The following USP54 variants were observed in gnomAD, a reference collection of about 807,000 sequenced individuals.
USP54 encodes ubiquitin carboxyl-terminal hydrolase 54.
Under a neutral mutation model 170.5 loss-of-function variants are expected in USP54, and 87 were observed. The ratio of observed to expected loss-of-function variants is 0.51; its 90% CI spans 0.43 to 0.61. USP54 has a LOEUF of 0.61. USP54 is among the 20% of genes least tolerant of loss of function. USP54 has a pLI of 0.00. For synonymous variants in USP54, 655 were observed against 742.8 expected (o/e 0.88, Z 1.92); for missense variants, 1,786 against 2,047.8 (o/e 0.87, Z 2.47).
At chr10:73,581,664 T>C (rs1303489868) in intron 1 of USP54, among the ~76,000 whole-genome samples, 1 of 152,214 alleles carries the variant, frequency 6.6e-6, no homozygotes, top group Non-Finnish European at 1.5e-5. Flanking sequence ...CTTGAGAAAA[T>C]ACATAATTCA....
chr10:73,505,509 A>G, intron 20 of USP54, 83 bp from the exon 21 acceptor site: 1 of 1,060,338 alleles, frequency 9.4e-7, no homozygotes, highest in South Asian at 1.5e-5. Context: ...CAAACTCAGG[A>G]GCTGTTGTTT....
intron 1 of USP54, among the ~76,000 whole-genome samples, chr10:73,597,477 G>A (rs2078823398): frequency 2.6e-5 from 4 of 152,058 alleles, no homozygotes. Flanking sequence ...GTCTCATCTG[G>A]TCTTGTGGTC....
At chr10:73,505,236 G>A in intron 21 of USP54, 72 bp downstream of exon 21, 1 of 1,446,606 alleles carries the variant, frequency 6.9e-7, no homozygotes, top group South Asian at 1.2e-5. Context: ...CATCATCCCT[G>A]TCACATCTCT....
At position 73,520,899 on chromosome 10, in the gene USP54, G is replaced by T; in HGVS notation, c.2482+9C>A. On this transcript the variant is annotated intron_variant, in intron 18 of 23. Coordinates refer to ENST00000687698, the MANE Select transcript of USP54 (RefSeq NM_001391956.1). ...AAGTGCCACAGCCATAGCAGTTAGAGTTACTTACAGATAGCTTCATTACAG... is the reference window on the plus strand; with the variant it reads ...AAGTGCCACAGCCATAGCAGTTAGATTTACTTACAGATAGCTTCATTACAG... 1 of 1,614,102 alleles carries T rather than the reference G, an allele frequency of 6.2e-7. No homozygotes were observed. Among genetic ancestry groups the T allele is most frequent in the Non-Finnish European group, 8.5e-7 (1 of 1,180,030 alleles).
chr10:73,527,317 G>C (rs368340202), intron 15 of USP54, among the ~76,000 whole-genome samples: 4 of 152,104 alleles, frequency 2.6e-5, no homozygotes, highest in African/African-American at 7.2e-5. Flanking sequence ...GGCCAACATG[G>C]TGAAACCCCA....
intron 1 of USP54, among the ~76,000 whole-genome samples, chr10:73,590,027 T>C (rs2078051320): frequency 1.3e-5 from 2 of 152,200 alleles, no homozygotes; most frequent in Admixed American, 6.5e-5. Context: ...AAAATTATAA[T>C]AATGGTAGCC....
chr10:73,553,906 C>T (rs987442509), intron 4 of USP54, among the ~76,000 whole-genome samples: 1 of 152,200 alleles, frequency 6.6e-6, no homozygotes, highest in East Asian at 1.9e-4. Flanking sequence ...GGTGCTTCCC[C>T]ACCCATCTCT....
At chr10:73,567,282 C>T (rs1302299720) in intron 4 of USP54, among the ~76,000 whole-genome samples, 1 of 152,184 alleles carries the variant, frequency 6.6e-6, no homozygotes, top group African/African-American at 2.4e-5. Context: ...ATGTCTTATA[C>T]CATTTTTGTA....
intron 11 of USP54, 186 bp downstream of exon 11, chr10:73,536,083 A>T (rs940858388): frequency 1.4e-6 from 1 of 723,214 alleles, no homozygotes; most frequent in Non-Finnish European, 2.3e-6. Context: ...CACTGTTTTG[A>T]CAACTGAAGG....
At chr10:73,530,892 T>G in intron 12 of USP54, 57 bp from the exon 13 acceptor site, 1 of 1,606,332 alleles carries the variant, frequency 6.2e-7, no homozygotes, top group South Asian at 1.1e-5. Flanking sequence ...TCCACCCTCC[T>G]GAGAACCTAC....
rs773367912 is a variant in USP54 at position 73,516,710 on chromosome 10, T to C, written c.3716A>G (p.Gln1239Arg). ...ATCCTTAGACCTAACATCTCTCACT[T>C]GGGACAGCTTCTCTTGGTATATGTC... ...EPDIYQEKLS[Q>R]VRDVRSKDLG... Residue 1239 changes from glutamine (Q) to arginine (R), a missense_variant, in exon 20 of 24, where the codon CAA becomes CGA. Coordinates refer to ENST00000687698, the MANE Select transcript of USP54 (RefSeq NM_001391956.1). 6.2e-7 allele frequency: 1 copy of C among 1,614,188 alleles called. No individual in the cohort carries two copies. Among genetic ancestry groups the C allele is most frequent in the Admixed American group, 1.7e-5 (1 of 60,022 alleles).
chr10:73,584,943 A>G (rs986415903), intron 1 of USP54, among the ~76,000 whole-genome samples: 1 of 152,140 alleles, frequency 6.6e-6, no homozygotes, highest in Non-Finnish European at 1.5e-5. Flanking sequence ...GCACCACATT[A>G]CTGACTCATT....
Position 73,530,159 on chromosome 10 carries a change from G to A in USP54, c.1812C>T (p.Pro604=), listed in dbSNP as rs777693162. 1.2e-6 allele frequency: 2 copies of A among 1,611,194 alleles called. No individual in the cohort carries two copies. The highest frequency in any genetic ancestry group is 2.2e-5 in the South Asian group (2 of 90,774). Residue 604 remains proline (P), a synonymous_variant, in exon 14 of 24, where the codon CCC becomes CCT. Transcript: ENST00000687698. ...RKHCGYTQLS[P]FSEDSAKEFI... Reference sequence around the variant, plus strand: ...TCTCCTCACCTGAATCCTCAGAAAAGGGGCTAAGCTGGGTATAGCCACAGT... The same window carrying A: ...TCTCCTCACCTGAATCCTCAGAAAAAGGGCTAAGCTGGGTATAGCCACAGT...
At chr10:73,571,559 A>G in intron 3 of USP54, 46 bp from the exon 4 acceptor site, 1 of 1,498,920 alleles carries the variant, frequency 6.7e-7, no homozygotes, top group Non-Finnish European at 9.2e-7. Context: ...AAAAGCTACC[A>G]TTTAATTTTA....
Position 73,516,404 on chromosome 10 carries a change from T to A in USP54, c.4022A>T (p.Asp1341Val). 1 of 1,613,228 alleles carries A rather than the reference T, an allele frequency of 6.2e-7. No homozygotes were observed. Among genetic ancestry groups the A allele is most frequent in the Non-Finnish European group, 8.5e-7 (1 of 1,179,710 alleles). The change falls in exon 20 of 24, where the codon GAT becomes GTT. Residue 1341 changes from aspartate to valine, a missense_variant. Coordinates refer to ENST00000687698, the MANE Select transcript of USP54 (RefSeq NM_001391956.1). ...QAGCSGWGQQ[D>V]TAWHPLSQTG... ...TTGGCTAAGTGGGTGCCAGGCGGTA[T>A]CCTGCTGCCCCCATCCAGAACAGCC... is the stretch of plus-strand genomic sequence containing the variant.
At chr10:73,608,714 G>T (rs1406175775) in intron 1 of USP54, among the ~76,000 whole-genome samples, 3 of 152,114 alleles carry the variant, frequency 2.0e-5, no homozygotes, top group African/African-American at 7.2e-5. Flanking sequence ...TAGCCAACAT[G>T]ATGAAACCCA....
At chr10:73,559,387 C>T (rs995453720) in intron 4 of USP54, among the ~76,000 whole-genome samples, 2 of 151,894 alleles carry the variant, frequency 1.3e-5, no homozygotes, top group Non-Finnish European at 2.9e-5. Flanking sequence ...ATGGAGAAAC[C>T]CTGTCTCTAC....
chr10:73,541,343 C>T (rs1300188143), intron 9 of USP54, 32 bp downstream of exon 9: 1 of 1,613,020 alleles, frequency 6.2e-7, no homozygotes, highest in African/African-American at 1.3e-5. Context: ...CGCAAGAACT[C>T]AAAGTGAGAG....
At chr10:73,511,154 A>C (rs1274939453) in intron 20 of USP54, among the ~76,000 whole-genome samples, 1 of 139,702 alleles carries the variant, frequency 7.2e-6, no homozygotes, top group Non-Finnish European at 1.5e-5. Flanking sequence ...GCTGAAGTGC[A>C]GCGGCACAAT....
Sources: gnomAD v4.1 joint callset for allele counts (sites outside exome capture counted in the v4.1 genomes callset) on GRCh38, gnomAD v4.1.1 for gene constraint, MANE v1.5 for transcripts, NCBI Gene and HGNC (gene_info 2026-07-23, HGNC 2026-07-21) for gene names.